Variants in CBFB observed in about 807,000 individuals in gnomAD.
CBFB encodes CBF-beta.
Under a neutral mutation model 30.4 loss-of-function variants are expected in CBFB, and 9 were observed. That is an observed-to-expected ratio of 0.30 (90% CI 0.18 to 0.52). CBFB has a LOEUF of 0.52. Ranked by LOEUF, CBFB falls within the 20% of genes least tolerant of loss-of-function variation. CBFB has a pLI of 0.97. For synonymous variants in CBFB, 94 were observed against 84.0 expected (o/e 1.12, Z -0.65); for missense variants, 170 against 244.0 (o/e 0.70, Z 2.02).
At chr16:67,076,419 TA>T (rs1961397863) in intron 4 of CBFB, among the ~76,000 whole-genome samples, 1 of 152,128 alleles carries the variant, frequency 6.6e-6, no homozygotes, top group African/African-American at 2.4e-5. Context: ...CATCACATGT[TA>T]TATGAATCGA....
At chr16:67,091,395 G>A (rs935700126) in intron 5 of CBFB, among the ~76,000 whole-genome samples, 3 of 152,204 alleles carry the variant, frequency 2.0e-5, no homozygotes, top group Non-Finnish European at 4.4e-5. Context: ...TGCATCCTAT[G>A]TGCCAGGCAG....
chr16:67,076,055 C>T (rs1300776152), intron 4 of CBFB, among the ~76,000 whole-genome samples: 2 of 152,166 alleles, frequency 1.3e-5, no homozygotes, highest in South Asian at 2.1e-4. Context: ...TATGGTGAAA[C>T]CCCGTATCAA....
chr16:67,045,363 A>T (rs967085934), intron 3 of CBFB, among the ~76,000 whole-genome samples: 3 of 152,084 alleles, frequency 2.0e-5, no homozygotes, highest in African/African-American at 7.2e-5. Context: ...TAAAAATACA[A>T]AAAATTAGCC....
intron 4 of CBFB, among the ~76,000 whole-genome samples, chr16:67,069,321 G>A (rs1961151703): frequency 1.3e-5 from 2 of 151,376 alleles, no homozygotes; most frequent in Non-Finnish European, 1.5e-5. Context: ...AGCAAGCCAA[G>A]ATCGCATCAC....
At chr16:67,065,767 A>G (rs1242768979) in intron 3 of CBFB, among the ~76,000 whole-genome samples, 2 of 152,264 alleles carry the variant, frequency 1.3e-5, no homozygotes. Flanking sequence ...ACCAGTTTCT[A>G]GATAAATAAT....
At chr16:67,091,541 G>C (rs1276726316) in intron 5 of CBFB, among the ~76,000 whole-genome samples, 1 of 152,110 alleles carries the variant, frequency 6.6e-6, no homozygotes, top group African/African-American at 2.4e-5. Flanking sequence ...GGGCCATCAT[G>C]GTCCAAGCCC....
chr16:67,078,205 T>TA (rs1370346707), intron 4 of CBFB, among the ~76,000 whole-genome samples: 3 of 152,358 alleles, frequency 2.0e-5, no homozygotes, highest in Admixed American at 6.5e-5. Context: ...TACCATTTGT[T>TA]AAAGTGTGAA....
chr16:67,081,479 T>G (rs1450559142), intron 4 of CBFB, among the ~76,000 whole-genome samples: 1 of 152,074 alleles, frequency 6.6e-6, no homozygotes. Context: ...GTGTTGATGT[T>G]TCAGAAATAC....
chr16:67,030,416 A>G (rs1219666267), intron 2 of CBFB, among the ~76,000 whole-genome samples: 1 of 152,150 alleles, frequency 6.6e-6, no homozygotes, highest in Non-Finnish European at 1.5e-5. Flanking sequence ...AAAACTGCAC[A>G]GATGGGCAAA....
intron 3 of CBFB, among the ~76,000 whole-genome samples, chr16:67,056,470 C>A (rs796334329): frequency 2.0e-5 from 3 of 152,158 alleles, no homozygotes; most frequent in African/African-American, 7.2e-5. Context: ...TTCACTGATA[C>A]AGTGTTCATG....
chr16:67,043,507 C>T (rs1966568749), intron 3 of CBFB, among the ~76,000 whole-genome samples: 1 of 152,084 alleles, frequency 6.6e-6, no homozygotes. Flanking sequence ...TTTTATAATC[C>T]TTCAAATATA....
chr16:67,057,871 A>C (rs1007032219), intron 3 of CBFB, among the ~76,000 whole-genome samples: 3 of 152,238 alleles, frequency 2.0e-5, no homozygotes, highest in Admixed American at 2.0e-4. Flanking sequence ...GTTGTAGCTG[A>C]CTGCCACAGC....
At chr16:67,038,688 A>T (rs1020821336) in intron 3 of CBFB, among the ~76,000 whole-genome samples, 2 of 151,440 alleles carry the variant, frequency 1.3e-5, no homozygotes, top group African/African-American at 2.4e-5. Context: ...TGTATGTGTG[A>T]CTAAATGAAG....
intron 2 of CBFB, 166 bp downstream of exon 2, chr16:67,029,979 G>A: frequency 4.1e-6 from 2 of 482,600 alleles, no homozygotes; most frequent in South Asian, 3.4e-5. Context: ...GCCGCGGGCC[G>A]GTACTCGCGG....
intron 3 of CBFB, among the ~76,000 whole-genome samples, chr16:67,057,175 G>A (rs1960753843): frequency 6.6e-6 from 1 of 151,812 alleles, no homozygotes; most frequent in Non-Finnish European, 1.5e-5. Flanking sequence ...TAGAGACGGG[G>A]TTTCACCATG....
intron 3 of CBFB, among the ~76,000 whole-genome samples, chr16:67,063,154 C>CT (rs1469503820): frequency 6.6e-6 from 1 of 152,174 alleles, no homozygotes; most frequent in East Asian, 1.9e-4. Flanking sequence ...GGCATAGTCA[C>CT]TTGTTTGATT....
At chr16:67,047,050 A>G (rs898313623) in intron 3 of CBFB, among the ~76,000 whole-genome samples, 4 of 151,926 alleles carry the variant, frequency 2.6e-5, no homozygotes. Context: ...AGTAGCTCAT[A>G]CCTGTAATCC....
intron 5 of CBFB, among the ~76,000 whole-genome samples, chr16:67,088,028 C>G (rs80188152): frequency 0.036 from 5,543 of 152,218 alleles, 148 homozygotes; most frequent in South Asian, 0.078. Flanking sequence ...ACATTATGAC[C>G]TAGAGCATAG....
intron 3 of CBFB, among the ~76,000 whole-genome samples, chr16:67,055,573 G>A (rs1444764155): frequency 1.3e-5 from 2 of 151,574 alleles, no homozygotes; most frequent in Non-Finnish European, 2.9e-5. Flanking sequence ...AGCCATGATG[G>A]TCTCGATCTC....
Sources: allele counts gnomAD v4.1 joint callset (sites outside exome capture counted in the v4.1 genomes callset), GRCh38; gene constraint gnomAD v4.1.1; transcripts MANE v1.5; gene names NCBI Gene and HGNC (gene_info 2026-07-23, HGNC 2026-07-21).